TRAF5: variants seen among roughly 807,000 people sequenced by gnomAD.
TRAF5 encodes the protein TNF receptor associated factor 5.
In TRAF5, 48 loss-of-function variants were observed where a neutral mutation model predicts 64.5. The observed-to-expected ratio is 0.74, with a 90% confidence interval of 0.59 to 0.95. The LOEUF is 0.95. TRAF5 is among the 40% of genes least tolerant of loss of function. The pLI is 0.00. For synonymous variants in TRAF5, 206 were observed against 240.5 expected (o/e 0.86, Z 1.33); for missense variants, 545 against 662.8 (o/e 0.82, Z 1.95).
intron 1 of TRAF5, among the ~76,000 whole-genome samples, chr1:211,349,096 T>C (rs1237710820): frequency 2.7e-5 from 4 of 145,610 alleles, no homozygotes; most frequent in African/African-American, 1.0e-4. Flanking sequence ...TAGTCCTAAC[T>C]ACTGGGGAGG....
intron 8 of TRAF5, among the ~76,000 whole-genome samples, chr1:211,367,143 G>A (rs1004724387): frequency 1.2e-4 from 18 of 152,178 alleles, no homozygotes; most frequent in East Asian, 9.6e-4. Flanking sequence ...CACCACACTC[G>A]GCTAATTTTT....
At chr1:211,366,668 C>T (rs750345818) in intron 8 of TRAF5, among the ~76,000 whole-genome samples, 3 of 152,072 alleles carry the variant, frequency 2.0e-5, no homozygotes, top group Non-Finnish European at 4.4e-5. Flanking sequence ...AAAGGGAGAG[C>T]TTGCACTGAA....
At chr1:211,326,639 G>A (rs531258114), upstream of TRAF5, 1 of 973,002 alleles carries the variant, frequency 1.0e-6, no homozygotes, top group East Asian at 1.1e-4. This position sits in a 1 kb window ranked among gnomAD's most constrained non-coding sequence, Gnocchi z 5.0. Context: ...GAAATCAGAT[G>A]ACTGGACTTG....
intron 1 of TRAF5, among the ~76,000 whole-genome samples, chr1:211,340,529 A>T (rs1702419843): frequency 6.6e-6 from 1 of 152,052 alleles, no homozygotes; most frequent in South Asian, 2.1e-4. Flanking sequence ...TGATCCACCC[A>T]CCTCGGCCTC....
intron 1 of TRAF5, among the ~76,000 whole-genome samples, chr1:211,342,627 C>A (rs1467565529): frequency 6.6e-6 from 1 of 152,142 alleles, no homozygotes; most frequent in African/African-American, 2.4e-5. Context: ...ATCCCCACTT[C>A]CTCTACCCAA....
At chr1:211,372,045 G>A (rs1353968763) in intron 10 of TRAF5, 83 bp from the exon 11 acceptor site, 2 of 1,210,032 alleles carry the variant, frequency 1.7e-6, no homozygotes, top group African/African-American at 3.1e-5. Context: ...TCTCTTTCAG[G>A]TAACAAAATT....
intron 4 of TRAF5, 32 bp from the exon 5 acceptor site, chr1:211,359,880 A>G: frequency 6.2e-7 from 1 of 1,612,758 alleles, no homozygotes; most frequent in South Asian, 1.1e-5. Context: ...CCTGGTCAGC[A>G]GGTCCCACTG....
intron 8 of TRAF5, 100 bp downstream of exon 8, chr1:211,365,568 A>C (rs2102765658): frequency 1.1e-6 from 1 of 903,332 alleles, no homozygotes; most frequent in East Asian, 2.7e-5. Flanking sequence ...TTTCAGTATA[A>C]GTCAATTAGA....
chr1:211,359,804 C>A, intron 4 of TRAF5, 108 bp from the exon 5 acceptor site: 1 of 1,363,964 alleles, frequency 7.3e-7, no homozygotes, highest in Non-Finnish European at 1.0e-6. Context: ...GCAAGCCTTT[C>A]TGCCCAGCTG....
intron 1 of TRAF5, among the ~76,000 whole-genome samples, chr1:211,332,318 A>T (rs1702177544): frequency 6.6e-6 from 1 of 152,228 alleles, no homozygotes; most frequent in Non-Finnish European, 1.5e-5. Flanking sequence ...CTTTAGCCAG[A>T]TCCAATGTGA....
chr1:211,361,492 T>G (rs1703177747), intron 7 of TRAF5, among the ~76,000 whole-genome samples: 1 of 152,100 alleles, frequency 6.6e-6, no homozygotes, highest in Non-Finnish European at 1.5e-5. Flanking sequence ...CCTTAGTGTT[T>G]GCTCTGAAGG....
At chr1:211,357,865 T>C (rs1455915681) in intron 4 of TRAF5, 1 of 152,200 alleles carries the variant, frequency 6.6e-6, no homozygotes, top group African/African-American at 2.4e-5. Flanking sequence ...ATCATCATCA[T>C]AATCATAAAA....
intron 1 of TRAF5, among the ~76,000 whole-genome samples, chr1:211,352,642 A>T (rs1041615837): frequency 1.3e-5 from 2 of 152,016 alleles, no homozygotes; most frequent in African/African-American, 4.8e-5. Flanking sequence ...AAAGAAAAAA[A>T]GTATTAGTCT....
At chr1:211,342,072 CTG>C (rs1199766499) in intron 1 of TRAF5, among the ~76,000 whole-genome samples, 1 of 152,164 alleles carries the variant, frequency 6.6e-6, no homozygotes, top group Non-Finnish European at 1.5e-5. Context: ...CAGGTAGTAA[CTG>C]TGTATTTGAG....
chr1:211,369,263 CT>C, intron 8 of TRAF5, 188 bp from the exon 9 acceptor site: 1 of 484,328 alleles, frequency 2.1e-6, no homozygotes. Context: ...GTAGATGTGG[CT>C]TTTTGGAACC....
rs373917532 is a variant in TRAF5 at position 211,359,901 on chromosome 1, A to G, written c.379-11A>G. 26 of 1,613,616 alleles carry G rather than the reference A, an allele frequency of 1.6e-5. No individual in the cohort carries two copies. The highest frequency in any genetic ancestry group is 8.0e-5 in the African/African-American group (6 of 74,894). ...CAGCAGGTCCCACTGGCCTGTTGTT[A>G]TCTGTTGCAGGATCACCTTCAGCAG... is the stretch of plus-strand genomic sequence containing the variant. On this transcript the variant is annotated splice_polypyrimidine_tract_variant and intron_variant, in intron 4 of 10. Coordinates refer to ENST00000261464, the MANE Select transcript of TRAF5 (RefSeq NM_001033910.3).
At chr1:211,360,244 C>T in intron 5 of TRAF5, 168 bp downstream of exon 5, 1 of 675,080 alleles carries the variant, frequency 1.5e-6, no homozygotes, top group Non-Finnish European at 2.5e-6. Flanking sequence ...AGCTTAAAAC[C>T]TTCTTGTTGG....
At chr1:211,356,797 G>A (rs769284124) in intron 4 of TRAF5, 13 of 203,982 alleles carry the variant, frequency 6.4e-5, no homozygotes, top group Non-Finnish European at 1.2e-4. Flanking sequence ...CATTTTGGGG[G>A]AACTGTGTGG....
At chr1:211,353,643 A>G in intron 2 of TRAF5, 186 bp downstream of exon 2, 1 of 615,566 alleles carries the variant, frequency 1.6e-6, no homozygotes, top group East Asian at 2.8e-5. Context: ...TTGGTCACTA[A>G]TTTACAGATA....
Sources: gnomAD v4.1 joint callset for allele counts (sites outside exome capture counted in the v4.1 genomes callset) on GRCh38, gnomAD v4.1.1 for gene constraint, Gnocchi (gnomAD v3.1) non-coding constraint, MANE v1.5 for transcripts, NCBI Gene and HGNC (gene_info 2026-07-23, HGNC 2026-07-21) for gene names.